The following ABI3BP variants were observed in gnomAD, a reference collection of about 807,000 sequenced individuals.
ABI3BP encodes ABI family member 3 binding protein, also known as target of Nesh-SH3.
ABI3BP carries 216 observed loss-of-function variants against 268.6 expected under a neutral mutation model. The ratio of observed to expected loss-of-function variants is 0.80; its 90% confidence interval spans 0.72 to 0.90. The LOEUF (loss-of-function observed/expected upper bound fraction) is 0.90. Ranked by LOEUF, ABI3BP falls within the 40% of genes least tolerant of loss-of-function variation. ABI3BP has a pLI of 0.00. For synonymous variants in ABI3BP, 730 were observed against 730.0 expected, an observed-to-expected ratio of 1.00 and a Z score of 0.00; for missense variants, 2,090 against 2,182.4, an observed-to-expected ratio of 0.96 and a Z score of 0.84.
intron 59 of ABI3BP, among the ~76,000 whole-genome samples, chr3:100,777,457 C>G (rs2096736325): frequency 6.6e-6 from 1 of 152,126 alleles, no homozygotes; most frequent in South Asian, 2.1e-4. Context: ...GTGCTAAGCA[C>G]TGGATTTGGT....
intron 20 of ABI3BP, chr3:100,843,815 T>C (rs1026958968): frequency 8.1e-6 from 8 of 985,246 alleles, no homozygotes; most frequent in Non-Finnish European, 9.6e-6. Context: ...AAGATTGTAA[T>C]TCATGTTTTT....
At chr3:100,851,408 G>A (rs997990779) in intron 15 of ABI3BP, among the ~76,000 whole-genome samples, 4 of 152,126 alleles carry the variant, frequency 2.6e-5, no homozygotes, top group Non-Finnish European at 5.9e-5. Context: ...CCTGTGTACT[G>A]CAGGGGTTTG....
rs750904784 is a variant in ABI3BP, at chr3:100,771,059, G to A, written c.4532-107C>T. ...GGACATTTGGTCTCATATTATAAGC[G>A]GATGGTTGAAAGCCATGATGTGGAT... is the stretch of plus-strand genomic sequence containing the variant. On this transcript the variant is annotated intron_variant, in intron 61 of 67. Coordinates refer to ENST00000471714, the MANE Select transcript of ABI3BP (RefSeq NM_001375547.2). The A allele has an allele frequency of 1.7e-5, 18 of 1,039,160 alleles. No individual in the cohort carries two copies. The East Asian group carries it at 2.3e-4, about 13-fold the overall frequency. The allele number at this position is 1,039,160 out of a possible 1,614,324, so 64.4% of individuals were successfully genotyped here. A position where few individuals can be genotyped will look rare whatever the true frequency, so the allele number is the denominator to read the frequency against.
intron 59 of ABI3BP, 28 bp from the exon 60 acceptor site, chr3:100,775,363 C>A (rs773668798): frequency 6.3e-7 from 1 of 1,582,932 alleles, no homozygotes; most frequent in South Asian, 1.2e-5. Context: ...AGTAGTCAGG[C>A]TTTATAGGAA....
Position 100,815,932 on chromosome 3 carries a change from T to G in ABI3BP, c.3269A>C (p.Asp1090Ala), listed in dbSNP as rs1201033932. ...ATTACCAAATGTTGTTCCTGGAGCA[T>G]CAGTACTATGAACAACAGGTTCAAA... The part of the protein sequence containing the change: ...TGFEPVVHST[D>A]APGTTFALTE... Residue 1090 changes from aspartate to alanine, a missense_variant, in exon 44 of 68, where the codon GAT (aspartate) becomes GCT (alanine). Coordinates refer to ENST00000471714, the MANE Select transcript of ABI3BP (RefSeq NM_001375547.2). The G allele has an allele frequency of 2.0e-6, 3 of 1,526,526 alleles. No individual in the cohort carries two copies. In the East Asian group the frequency reaches 7.4e-5, roughly 38 times the overall value. 94.6% of individuals were successfully genotyped at this position (1,526,526 alleles called of 1,614,324 possible).
At chr3:100,800,151 A>T (rs2097485188) in intron 51 of ABI3BP, among the ~76,000 whole-genome samples, 1 of 151,794 alleles carries the variant, frequency 6.6e-6, no homozygotes, top group African/African-American at 2.4e-5. Flanking sequence ...CAATTAGTTC[A>T]ATTTCTCAGA....
chr3:100,952,363 T>C (rs1180755709), intron 1 of ABI3BP, among the ~76,000 whole-genome samples: 2 of 152,200 alleles, frequency 1.3e-5, no homozygotes, highest in African/African-American at 4.8e-5. Context: ...CTACAATGTA[T>C]ACATATTTCA....
intron 50 of ABI3BP, among the ~76,000 whole-genome samples, chr3:100,805,416 T>C (rs1366088487): frequency 6.6e-6 from 1 of 152,090 alleles, no homozygotes; most frequent in Non-Finnish European, 1.5e-5. Context: ...ATGAATTTGC[T>C]GACAACTAAA....
At chr3:100,888,454 C>T (rs1010712846) in intron 4 of ABI3BP, among the ~76,000 whole-genome samples, 10 of 152,052 alleles carry the variant, frequency 6.6e-5, no homozygotes, top group Admixed American at 6.6e-4. Flanking sequence ...CTAGTAGATA[C>T]ATTTCTGAGG....
intron 47 of ABI3BP, 22 bp from the exon 48 acceptor site, chr3:100,811,299 A>G (rs986043881): frequency 6.6e-7 from 1 of 1,516,430 alleles, no homozygotes; most frequent in Non-Finnish European, 8.8e-7. Context: ...CAAAGGAGAA[A>G]AATTTTAGAA....
At chr3:100,754,019 T>G (rs2095483401) in intron 64 of ABI3BP, among the ~76,000 whole-genome samples, 171 bp from the exon 65 acceptor site, 1 of 152,248 alleles carries the variant, frequency 6.6e-6, no homozygotes, top group South Asian at 2.1e-4. Flanking sequence ...AAATTGTTCT[T>G]GATTGAATAA....
intron 1 of ABI3BP, among the ~76,000 whole-genome samples, chr3:100,988,923 AC>A (rs1356600870): frequency 2.0e-5 from 3 of 152,226 alleles, no homozygotes; most frequent in Non-Finnish European, 4.4e-5. Flanking sequence ...ACTCTGAGGC[AC>A]AATTTTATGC....
chr3:100,913,688 C>A (rs1485420286), intron 2 of ABI3BP, among the ~76,000 whole-genome samples: 1 of 152,086 alleles, frequency 6.6e-6, no homozygotes, highest in African/African-American at 2.4e-5. Flanking sequence ...GACTAATATA[C>A]AATGCTAATT....
Position 100,834,675 on chromosome 3 carries a change from A to G in ABI3BP, c.2281+9T>C. The G allele has an allele frequency of 6.5e-7, 1 of 1,534,874 alleles. No homozygotes were observed. Among genetic ancestry groups the G allele is most frequent in the Non-Finnish European group, 8.7e-7 (1 of 1,145,948 alleles). On this transcript the variant is annotated intron_variant, in intron 29 of 67. Coordinates refer to ENST00000471714, the MANE Select transcript of ABI3BP (RefSeq NM_001375547.2). ...ATGCCACAGGGACAAGGAACCACATATTATTTACCTAGTTTGGTCTGCAGT... is the reference window on the plus strand; with the variant it reads ...ATGCCACAGGGACAAGGAACCACATGTTATTTACCTAGTTTGGTCTGCAGT...
At position 100,951,023 on chromosome 3, in the gene ABI3BP, T is replaced by C. The variant is rs904513923; in HGVS notation, c.80-24542A>G. ...CTTAACATTTATCTGCCACACTAAC[T>C]GCTCACCGGAGAGTAACAAAATATC... On this transcript the variant is annotated intron_variant, in intron 1 of 67. Coordinates refer to ENST00000471714, the MANE Select transcript of ABI3BP (RefSeq NM_001375547.2). 7.2e-5 allele frequency among the ~76,000 whole-genome samples: 11 copies of C among 151,962 alleles called. 1 individual carries two copies. Among genetic ancestry groups the C allele is most frequent in the African/African-American group, 2.4e-4 (10 of 41,234 alleles).
Position 100,792,051 on chromosome 3 carries a change from C to T in ABI3BP, c.4024+640G>A, listed in dbSNP as rs80027046. On this transcript the variant is annotated intron_variant, in intron 55 of 67. Coordinates refer to ENST00000471714, the MANE Select transcript of ABI3BP (RefSeq NM_001375547.2). ...ATTAGCAGTCCACAAGTGTTATAAC[C>T]TAAGTAGGATAGTAGGATAGAAAAG... Among the ~76,000 whole-genome samples, 950 of 151,718 alleles carry T rather than the reference C, an allele frequency of 6.3e-3. 9 individuals carry two copies. Among genetic ancestry groups the T allele is most frequent in the African/African-American group, 0.022 (899 of 41,436 alleles).
intron 58 of ABI3BP, 143 bp downstream of exon 58, chr3:100,779,989 G>T: frequency 3.3e-6 from 2 of 606,148 alleles, no homozygotes; most frequent in Non-Finnish European, 5.8e-6. Context: ...TGTTTTCCTA[G>T]CAATACCCAT....
At chr3:100,936,946 A>G (rs1419694104) in intron 1 of ABI3BP, among the ~76,000 whole-genome samples, 2 of 151,756 alleles carry the variant, frequency 1.3e-5, no homozygotes, top group African/African-American at 4.8e-5. Flanking sequence ...ATTCACTGAG[A>G]TTTTGAAGGG....
intron 1 of ABI3BP, among the ~76,000 whole-genome samples, chr3:100,968,946 A>T (rs2082403124): frequency 6.6e-6 from 1 of 152,106 alleles, no homozygotes; most frequent in Non-Finnish European, 1.5e-5. Context: ...AGTACAGATT[A>T]TTCTTTGAAT....
Sources: gnomAD v4.1 joint callset for allele counts (sites outside exome capture counted in the v4.1 genomes callset) on GRCh38, gnomAD v4.1.1 for gene constraint, MANE v1.5 for transcripts, NCBI Gene and HGNC (gene_info 2026-07-23, HGNC 2026-07-21) for gene names.